PTPN14: variants seen among roughly 807,000 people sequenced by gnomAD.
PTPN14 encodes the protein tyrosine-protein phosphatase non-receptor type 14.
In PTPN14, 53 loss-of-function variants were observed where a neutral mutation model predicts 126.8. That is an observed-to-expected ratio of 0.42 (90% confidence interval 0.34 to 0.53). PTPN14 has a LOEUF of 0.53. Among genes scored for constraint, PTPN14 ranks in the 20% least tolerant of loss-of-function variants. PTPN14 has a pLI of 0.08. For synonymous variants in PTPN14, 630 were observed against 599.3 expected (o/e 1.05, Z -0.75); for missense variants, 1,257 against 1,552.9 (o/e 0.81, Z 3.20).
At chr1:214,536,869 T>C (rs994583539) in intron 1 of PTPN14, among the ~76,000 whole-genome samples, 51 of 152,342 alleles carry the variant, frequency 3.3e-4, no homozygotes, top group African/African-American at 1.2e-3. Flanking sequence ...AAAACTGTGA[T>C]TACTTTTGCG....
intron 1 of PTPN14, among the ~76,000 whole-genome samples, chr1:214,543,442 G>A (rs1445977483): frequency 6.6e-6 from 1 of 152,060 alleles, no homozygotes; most frequent in Non-Finnish European, 1.5e-5. Flanking sequence ...AATGAACAAA[G>A]ATAATAAGAT....
chr1:214,488,444 A>G (rs1661162671), intron 1 of PTPN14, among the ~76,000 whole-genome samples: 1 of 152,192 alleles, frequency 6.6e-6, no homozygotes. Flanking sequence ...ACAGGCACAC[A>G]AAAGAATCAA....
chr1:214,386,616 G>T (rs1050238270), intron 12 of PTPN14, among the ~76,000 whole-genome samples: 1 of 152,178 alleles, frequency 6.6e-6, no homozygotes, highest in Non-Finnish European at 1.5e-5. Context: ...GGACTTGCTC[G>T]CTGCCTTGGC....
intron 1 of PTPN14, 78 bp from the exon 2 acceptor site, chr1:214,465,035 G>GCGCC (rs1660599018): frequency 3.6e-6 from 1 of 278,410 alleles, no homozygotes; most frequent in African/African-American, 9.8e-5. Context: ...ACACACAGAA[G>GCGCC]CCCCCCCCCC....
At chr1:214,402,497 C>T (rs528447470) in intron 6 of PTPN14, among the ~76,000 whole-genome samples, 15 of 149,388 alleles carry the variant, frequency 1.0e-4, no homozygotes, top group South Asian at 2.1e-4. Flanking sequence ...GCATAGGCCT[C>T]GATATCAAAC....
intron 2 of PTPN14, among the ~76,000 whole-genome samples, chr1:214,459,718 C>T (rs1292266068): frequency 6.6e-6 from 1 of 152,128 alleles, no homozygotes; most frequent in African/African-American, 2.4e-5. Context: ...CCGCCTGCCT[C>T]GGCCTCCCAA....
chr1:214,383,948 G>A lies in PTPN14; in HGVS notation c.1907C>T (p.Thr636Ile). The A allele has an allele frequency of 1.2e-6, 2 of 1,612,942 alleles. No homozygotes were observed. Among genetic ancestry groups the A allele is most frequent in the South Asian group, 1.1e-5 (1 of 91,082 alleles). ...EPLTATKHHG[T>I]VNKRHSLEVM... ...CTCCAGGCTGTGGCGCTTGTTCACA[G>A]TGCCGTGGTGCTTGGTGGCCGTGAG... The change falls in exon 13 of 19, where the codon ACT (threonine) becomes ATT (isoleucine). Residue 636 changes from threonine (T) to isoleucine (I), a missense_variant. This residue lies in a region of PTPN14 where 1,021 missense variants were observed against 1,183.3 expected (regional missense o/e 0.86). Coordinates refer to ENST00000366956, the MANE Select transcript of PTPN14 (RefSeq NM_005401.5). The surrounding 1 kb of genome is among the most constrained non-coding windows in gnomAD (Gnocchi z 4.4).
chr1:214,541,480 G>GA (rs1216316388), intron 1 of PTPN14, among the ~76,000 whole-genome samples: 17 of 152,176 alleles, frequency 1.1e-4, no homozygotes, highest in Non-Finnish European at 2.4e-4. Flanking sequence ...ATGAGAGATT[G>GA]AGAGTTGAGG....
intron 1 of PTPN14, among the ~76,000 whole-genome samples, chr1:214,495,640 G>T (rs1458157023): frequency 6.6e-6 from 1 of 151,950 alleles, no homozygotes; most frequent in African/African-American, 2.4e-5. Flanking sequence ...TTTCAGAACA[G>T]TTATCATGTG....
intron 1 of PTPN14, among the ~76,000 whole-genome samples, chr1:214,523,576 C>G (rs1396958680): frequency 6.6e-6 from 1 of 152,128 alleles, no homozygotes; most frequent in East Asian, 1.9e-4. Flanking sequence ...AATGTTTGCT[C>G]AACGACTAAA....
Position 214,357,899 on chromosome 1 carries a change from C to G in PTPN14, c.*23G>C, listed in dbSNP as rs1657861595. ...CCAGCGCGATGGAGCTGGGTCCCTC[C>G]TCCAGGAGCTGGATTGGGGTGATTA... On this transcript the variant is annotated 3_prime_UTR_variant, in exon 19 of 19. Coordinates refer to ENST00000366956, the MANE Select transcript of PTPN14 (RefSeq NM_005401.5). 1 of 1,608,440 alleles carries G rather than the reference C, an allele frequency of 6.2e-7. No individual in the cohort carries two copies. The highest frequency in any genetic ancestry group is 1.1e-5 in the South Asian group (1 of 90,742).
Position 214,469,990 on chromosome 1 carries a change from A to AG in PTPN14, c.-154-5034dup, listed in dbSNP as rs1053123395. Among the ~76,000 whole-genome samples, 5 of 152,316 alleles carry AG rather than the reference A, an allele frequency of 3.3e-5. No homozygotes were observed. The South Asian group carries it at 1.0e-3, about 32-fold the overall frequency. On this transcript the variant is annotated intron_variant, in intron 1 of 18. Transcript: ENST00000366956. ...AGAACATATCTAATAAATACTACAAAGCTGCAACTCTTGCTGAGACCCATT... is the reference window on the plus strand; with the variant it reads ...AGAACATATCTAATAAATACTACAAAGGCTGCAACTCTTGCTGAGACCCATT...
intron 18 of PTPN14, among the ~76,000 whole-genome samples, chr1:214,361,494 C>A (rs561117979): frequency 4.7e-4 from 72 of 152,310 alleles, no homozygotes; most frequent in Middle Eastern, 3.4e-3. Context: ...AAGATTCATT[C>A]ACTCCCACAG....
intron 2 of PTPN14, among the ~76,000 whole-genome samples, chr1:214,455,765 T>G (rs1418441741): frequency 6.6e-6 from 1 of 152,190 alleles, no homozygotes; most frequent in Non-Finnish European, 1.5e-5. Context: ...AACATACATT[T>G]AAGCATATAC....
intron 18 of PTPN14, among the ~76,000 whole-genome samples, chr1:214,360,364 A>G (rs1052606925): frequency 6.6e-6 from 1 of 152,164 alleles, no homozygotes. Context: ...CAAAGGGACA[A>G]AGTCAAGTCC....
At chr1:214,375,142 A>G (rs565420191) in intron 15 of PTPN14, among the ~76,000 whole-genome samples, 1 of 152,330 alleles carries the variant, frequency 6.6e-6, no homozygotes, top group African/African-American at 2.4e-5. Flanking sequence ...ATTAAAAACT[A>G]TGGTTATCTG....
chr1:214,365,863 C>T (rs1658068109), intron 17 of PTPN14, among the ~76,000 whole-genome samples: 1 of 151,758 alleles, frequency 6.6e-6, no homozygotes, highest in Non-Finnish European at 1.5e-5. Context: ...TGAGATAGGA[C>T]AAAATAAAAA....
chr1:214,354,570 T>A lies in PTPN14; in HGVS notation c.*3352A>T, dbSNP rs1460581675. 1 of 152,226 alleles carries A rather than the reference T, an allele frequency of 6.6e-6. No individual in the cohort carries two copies. The highest frequency in any genetic ancestry group is 1.5e-5 in the Non-Finnish European group (1 of 68,066). 9.4% of individuals were successfully genotyped at this position (152,226 alleles called of 1,614,324 possible). A position where few individuals can be genotyped will look rare whatever the true frequency, so the allele number is the denominator to read the frequency against. ...AAACCTCAGCAGGACATTCCTCAGC[T>A]AAGCCAGCAGGCTCATCTCAAGGAT... On this transcript the variant is annotated 3_prime_UTR_variant, in exon 19 of 19. Transcript: ENST00000366956.
intron 1 of PTPN14, among the ~76,000 whole-genome samples, chr1:214,471,273 G>A (rs573901395): frequency 6.6e-6 from 1 of 152,258 alleles, no homozygotes; most frequent in African/African-American, 2.4e-5. Flanking sequence ...CTCGACTGAA[G>A]TTGAGCTGAG....
Sources: allele counts gnomAD v4.1 joint callset (sites outside exome capture counted in the v4.1 genomes callset), GRCh38; gene constraint gnomAD v4.1.1; regional missense constraint gnomAD v4.1.1; non-coding constraint Gnocchi (gnomAD v3.1); transcripts MANE v1.5; gene names NCBI Gene and HGNC (gene_info 2026-07-23, HGNC 2026-07-21).